The following MCF2 variants were observed in gnomAD, a reference collection of about 807,000 sequenced individuals.
The protein encoded by MCF2 is proto-oncogene DBL.
A neutral mutation model predicts 82.5 loss-of-function variants in MCF2; 44 were observed. That is an observed-to-expected ratio of 0.53 (90% CI 0.42 to 0.69). The LOEUF (loss-of-function observed/expected upper bound fraction) is 0.69, where lower values mean the gene tolerates loss of function less well. Ranked by LOEUF, MCF2 falls within the 30% of genes least tolerant of loss-of-function variation. The pLI, the probability that MCF2 is intolerant of heterozygous loss-of-function variation, is 0.00. For synonymous variants in MCF2, 217 were observed against 224.9 expected (o/e 0.96, Z 0.32); for missense variants, 623 against 663.1 (o/e 0.94, Z 0.66).
exon 9 of MCF2, chrX:139,616,451 C>A: frequency 8.9e-7 from 1 of 1,129,490 alleles, no homozygotes; most frequent in Non-Finnish European, 1.2e-6. Context: ...AAGACATTCC[C>A]CTTCATCACA....
At chrX:139,649,211 T>C (rs753213465) in intron 2 of MCF2, among the ~76,000 whole-genome samples, 14 of 112,049 alleles carry the variant, frequency 1.2e-4, no homozygotes, top group Non-Finnish European at 2.3e-4. Context: ...ATCAAACTAG[T>C]CCAAAGTATT....
At chrX:139,668,533 A>C (rs1330245088) in intron 1 of MCF2, among the ~76,000 whole-genome samples, 1 of 111,245 alleles carries the variant, frequency 9.0e-6, no homozygotes, top group Non-Finnish European at 1.9e-5. Context: ...TCTCTCACTT[A>C]ACCTTTCCCT....
At position 139,626,805 on chromosome X, in the gene MCF2, A is replaced by G. The variant is rs1229314893; in HGVS notation, c.439-49T>C. 3 of 1,081,234 alleles carry G rather than the reference A, an allele frequency of 2.8e-6. No individual in the cohort carries two copies. In the Admixed American group the frequency reaches 6.8e-5, roughly 24 times the overall value. The allele number at this position is 1,081,234 out of a possible 1,213,427, so 89.1% of individuals were successfully genotyped here. A position where few individuals can be genotyped will look rare whatever the true frequency, so the allele number is the denominator to read the frequency against. ...ATCACCTAATTAGTAATCCAACCTG[A>G]ATGATGTGATGGGAAGGGAGCATAC... On this transcript the variant is annotated intron_variant, in intron 4 of 24. Transcript: ENST00000370576.
chrX:139,648,402 A>T (rs902627439), intron 2 of MCF2, among the ~76,000 whole-genome samples: 11 of 110,644 alleles, frequency 9.9e-5, no homozygotes, highest in African/African-American at 3.3e-4. Flanking sequence ...AAAGAAAAAG[A>T]AAAGGATATA....
rs191012406 is a variant in MCF2, at chrX:139,684,718, G to A, written c.-45+23388C>T. 3.6e-5 allele frequency among the ~76,000 whole-genome samples: 4 copies of A among 112,109 alleles called. No homozygotes were observed. In the Admixed American group the frequency reaches 3.8e-4, roughly 11 times the overall value. On this transcript the variant is annotated intron_variant, in intron 1 of 27. Transcript: ENST00000414978. ...GCTCAGTGAAAGAAGCCAGTCACAAGAGATCACATATTGTATGATTCTATG... is the reference window on the plus strand; with the variant it reads ...GCTCAGTGAAAGAAGCCAGTCACAAAAGATCACATATTGTATGATTCTATG...
At chrX:139,681,157 ACT>A (rs1218693850) in intron 1 of MCF2, among the ~76,000 whole-genome samples, 1 of 112,304 alleles carries the variant, frequency 8.9e-6, no homozygotes, top group African/African-American at 3.2e-5. Flanking sequence ...ATTTAAAATA[ACT>A]CTCAAAGGTT....
At chrX:139,642,680 AGG>A in exon 1 of MCF2, 1 of 1,034,869 alleles carries the variant, frequency 9.7e-7, no homozygotes, top group Non-Finnish European at 1.2e-6. Context: ...AATGCTGGGG[AGG>A]AAAAAAAAAA....
At chrX:139,595,470 C>T (rs1419488817) in intron 19 of MCF2, among the ~76,000 whole-genome samples, 9 of 104,954 alleles carry the variant, frequency 8.6e-5, no homozygotes, top group African/African-American at 2.8e-4. Flanking sequence ...AGTAAACTAT[C>T]GCAAGAACAA....
intron 1 of MCF2, among the ~76,000 whole-genome samples, chrX:139,689,352 T>C (rs1935202639): frequency 8.9e-6 from 1 of 111,997 alleles, no homozygotes; most frequent in African/African-American, 3.2e-5. Context: ...TGTACAGCCA[T>C]AGTAAGGGCA....
intron 15 of MCF2, among the ~76,000 whole-genome samples, chrX:139,603,040 A>G (rs1199274184): frequency 8.9e-6 from 1 of 111,869 alleles, no homozygotes; most frequent in Non-Finnish European, 1.9e-5. Context: ...TCTCTTCTAT[A>G]CAACCATTGT....
chrX:139,586,504 T>G lies in MCF2; in HGVS notation c.2523-17A>C, dbSNP rs372546849. On this transcript the variant is annotated splice_polypyrimidine_tract_variant and intron_variant, in intron 22 of 24. Coordinates refer to ENST00000370576, the Ensembl canonical transcript of MCF2. ...TGTTGCTTTCTGAAATAGTGATGTA[T>G]AAAACTAAGTGAGCTTTTGTACAGT... 3.1e-5 allele frequency: 33 copies of G among 1,057,886 alleles called. No homozygotes were observed. The African/African-American group carries it at 3.9e-4, about 12-fold the overall frequency. 87.2% of individuals were successfully genotyped at this position (1,057,886 alleles called of 1,213,427 possible). A position where few individuals can be genotyped will look rare whatever the true frequency, so the allele number is the denominator to read the frequency against.
chrX:139,707,048 CAGAA>C (rs1299753730), intron 1 of MCF2, among the ~76,000 whole-genome samples: 3 of 110,261 alleles, frequency 2.7e-5, no homozygotes, highest in Non-Finnish European at 5.7e-5. Context: ...AAGGGAATTT[CAGAA>C]AGAGATGTGC....
chrX:139,640,032 G>A (rs1933472000), intron 1 of MCF2, among the ~76,000 whole-genome samples: 1 of 110,796 alleles, frequency 9.0e-6, no homozygotes, highest in African/African-American at 3.3e-5. Flanking sequence ...AGCACAGTTG[G>A]TAAGCAGCGG....
upstream of MCF2, among the ~76,000 whole-genome samples, chrX:139,645,347 A>G (rs1187118856): frequency 9.0e-6 from 1 of 111,054 alleles, no homozygotes; most frequent in African/African-American, 3.3e-5. Context: ...CTTCTCACTC[A>G]TAACTGGAGC....
At chrX:139,623,945 C>T (rs1342612300) in intron 6 of MCF2, among the ~76,000 whole-genome samples, 4 of 111,223 alleles carry the variant, frequency 3.6e-5, no homozygotes, top group South Asian at 3.8e-4. Flanking sequence ...GCTAAATTTA[C>T]GGGGAAATTT....
chrX:139,698,065 G>A (rs932501105), intron 1 of MCF2, among the ~76,000 whole-genome samples: 2 of 111,782 alleles, frequency 1.8e-5, no homozygotes, highest in African/African-American at 6.5e-5. Context: ...ACCTGAGCCT[G>A]GTTGGAGGTC....
At chrX:139,656,725 A>C (rs1416158398) in intron 1 of MCF2, among the ~76,000 whole-genome samples, 1 of 112,257 alleles carries the variant, frequency 8.9e-6, no homozygotes, top group Non-Finnish European at 1.9e-5. Context: ...ACTGAGTTAC[A>C]CCCAGCTTTG....
intron 1 of MCF2, among the ~76,000 whole-genome samples, chrX:139,706,465 A>G (rs992456768): frequency 8.9e-6 from 1 of 112,159 alleles, no homozygotes; most frequent in African/African-American, 3.2e-5. Context: ...GCAGGAACAG[A>G]AAACCAAATA....
rs199686831 is a variant in MCF2, at chrX:139,617,502, C to T, written c.999+11G>A. On this transcript the variant is annotated intron_variant, in intron 8 of 24. Transcript: ENST00000370576. ...TCCTTTTCAGAAATGGATCATTTCC[C>T]ATTACACTACCTGCTGTAGGAGTTT... The T allele has an allele frequency of 8.7e-7, 1 of 1,146,045 alleles. No individual in the cohort carries two copies. Among genetic ancestry groups the T allele is most frequent in the African/African-American group, 1.8e-5 (1 of 54,614 alleles). 94.4% of individuals were successfully genotyped at this position (1,146,045 alleles called of 1,213,427 possible). A position where few individuals can be genotyped will look rare whatever the true frequency, so the allele number is the denominator to read the frequency against.
Sources: allele counts gnomAD v4.1 joint callset (sites outside exome capture counted in the v4.1 genomes callset), GRCh38; gene constraint gnomAD v4.1.1; transcripts MANE v1.5; gene names NCBI Gene and HGNC (gene_info 2026-07-23, HGNC 2026-07-21).